PSD3: variants seen among roughly 807,000 people sequenced by gnomAD.
The protein encoded by PSD3 is PH and SEC7 domain-containing protein 3.
PSD3 carries 49 observed loss-of-function variants against 105.5 expected under a neutral mutation model. The observed-to-expected ratio is 0.46, with a 90% CI of 0.37 to 0.59. PSD3 has a LOEUF of 0.59. Among genes scored for constraint, PSD3 ranks in the 20% least tolerant of loss-of-function variants. The probability of loss-of-function intolerance (pLI) is 0.00; values close to 1 mark genes in which losing one functional copy is unlikely to be tolerated. For missense variants in PSD3, 1,561 were observed against 1,263.8 expected, an observed-to-expected ratio of 1.24 and a Z score of -3.57; for synonymous variants, 557 against 457.8, an observed-to-expected ratio of 1.22 and a Z score of -2.77.
chr8:18,659,731 T>C (rs953662724), intron 9 of PSD3, among the ~76,000 whole-genome samples: 1 of 152,184 alleles, frequency 6.6e-6, no homozygotes, highest in Non-Finnish European at 1.5e-5. Flanking sequence ...GAAGCGCCTT[T>C]GTTGGTGAGG....
intron 9 of PSD3, among the ~76,000 whole-genome samples, chr8:18,679,401 A>G (rs1225051986): frequency 6.6e-6 from 1 of 152,224 alleles, no homozygotes; most frequent in African/African-American, 2.4e-5. Context: ...TGGATTAGGC[A>G]CTTAGCAGAG....
chr8:18,699,462 G>A (rs538018430), intron 9 of PSD3, among the ~76,000 whole-genome samples: 8 of 152,274 alleles, frequency 5.3e-5, no homozygotes, highest in African/African-American at 1.9e-4. Flanking sequence ...CAGGCAAGAC[G>A]ACCCAACATT....
At chr8:18,631,474 T>C (rs1806890488) in intron 11 of PSD3, among the ~76,000 whole-genome samples, 1 of 151,988 alleles carries the variant, frequency 6.6e-6, no homozygotes, top group Non-Finnish European at 1.5e-5. Flanking sequence ...ATAGCACTGC[T>C]AATAACCATG....
chr8:18,969,521 C>T (rs996153436), intron 1 of PSD3, among the ~76,000 whole-genome samples: 22 of 152,140 alleles, frequency 1.4e-4, no homozygotes, highest in African/African-American at 5.1e-4. Flanking sequence ...TTATGTTATA[C>T]CAACAACTTT....
chr8:18,772,353 T>C (rs1304829604), intron 8 of PSD3, among the ~76,000 whole-genome samples: 2 of 152,094 alleles, frequency 1.3e-5, no homozygotes, highest in Admixed American at 6.6e-5. Context: ...CCTACAACAG[T>C]ACGTTTCCAA....
chr8:18,795,884 C>A (rs1218733628), intron 8 of PSD3, among the ~76,000 whole-genome samples: 1 of 152,086 alleles, frequency 6.6e-6, no homozygotes, highest in Non-Finnish European at 1.5e-5. Context: ...ATAGTTGAAA[C>A]AATATTCAAT....
chr8:18,779,646 T>C (rs1040878203), intron 8 of PSD3, among the ~76,000 whole-genome samples: 1 of 152,208 alleles, frequency 6.6e-6, no homozygotes, highest in African/African-American at 2.4e-5. Context: ...TGTTCCCATT[T>C]TGATTTGTTT....
chr8:18,623,153 G>A (rs1254300383), intron 11 of PSD3, among the ~76,000 whole-genome samples: 1 of 151,990 alleles, frequency 6.6e-6, no homozygotes, highest in South Asian at 2.1e-4. Context: ...CCAAAATGCT[G>A]GGATTACAGG....
At chr8:18,567,665 A>G (rs1585260459) in intron 14 of PSD3, among the ~76,000 whole-genome samples, 1 of 152,140 alleles carries the variant, frequency 6.6e-6, no homozygotes, top group Non-Finnish European at 1.5e-5. Flanking sequence ...TCTTACTACT[A>G]GTCTTTCTGT....
chr8:18,823,756 C>G (rs1360123227), intron 4 of PSD3, among the ~76,000 whole-genome samples: 7 of 149,374 alleles, frequency 4.7e-5, no homozygotes, highest in Non-Finnish European at 8.9e-5. Flanking sequence ...TACAATTACA[C>G]ATGGTGCTTT....
In PSD3 at chr8:18,533,736, T is replaced by C. The variant is rs1461697178; in HGVS notation, c.*2007A>G. The C allele has an allele frequency of 6.6e-6, 1 of 152,206 alleles. No individual in the cohort carries two copies. The highest frequency in any genetic ancestry group is 1.9e-4 in the East Asian group (1 of 5,200). 9.4% of individuals were successfully genotyped at this position (152,206 alleles called of 1,614,324 possible). A position where few individuals can be genotyped will look rare whatever the true frequency, so the allele number is the denominator to read the frequency against. On this transcript the variant is annotated 3_prime_UTR_variant, in exon 16 of 16. Coordinates refer to ENST00000327040, the MANE Select transcript of PSD3 (RefSeq NM_015310.4). ...ACATTTAGGCAGAAAACAAATATCC[T>C]GATAATTTAGATTATCAGGTAGAAA...
intron 1 of PSD3, among the ~76,000 whole-genome samples, chr8:19,066,975 A>C (rs1829094997): frequency 6.6e-6 from 1 of 152,204 alleles, no homozygotes; most frequent in African/African-American, 2.4e-5. Flanking sequence ...GTCAGATTAT[A>C]AACACCTCAA....
intron 2 of PSD3, among the ~76,000 whole-genome samples, chr8:18,899,645 G>C (rs1222724393): frequency 1.3e-5 from 2 of 151,992 alleles, no homozygotes; most frequent in Non-Finnish European, 2.9e-5. Flanking sequence ...ATAGAGTTCT[G>C]GGTGGCTAAG....
chr8:18,792,692 A>T (rs1381558399), intron 8 of PSD3, among the ~76,000 whole-genome samples: 1 of 152,066 alleles, frequency 6.6e-6, no homozygotes, highest in Non-Finnish European at 1.5e-5. Context: ...GCTGGAGAGG[A>T]TGTGGAGAAA....
intron 1 of PSD3, among the ~76,000 whole-genome samples, chr8:18,947,070 C>T (rs1822910804): frequency 6.6e-6 from 1 of 152,120 alleles, no homozygotes; most frequent in Admixed American, 6.5e-5. Flanking sequence ...CAACCAGTCC[C>T]TCGTCCCCTC....
At chr8:18,647,257 C>A (rs1808105940) in intron 10 of PSD3, among the ~76,000 whole-genome samples, 1 of 152,194 alleles carries the variant, frequency 6.6e-6, no homozygotes, top group Non-Finnish European at 1.5e-5. Context: ...ACCACACTTT[C>A]TAAAGCTCAG....
intron 2 of PSD3, among the ~76,000 whole-genome samples, chr8:18,929,269 TA>T (rs1821584697): frequency 2.0e-5 from 3 of 148,248 alleles, no homozygotes; most frequent in Admixed American, 2.0e-4. Context: ...AAAAAGAGTA[TA>T]ACCATAGACA....
At position 18,670,238 on chromosome 8, in the gene PSD3, G is replaced by T. The variant is rs140305181; in HGVS notation, c.2173-14553C>A. Among the ~76,000 whole-genome samples, 360 of 152,280 alleles carry T rather than the reference G, an allele frequency of 2.4e-3. 1 individual carries two copies. Among genetic ancestry groups the T allele is most frequent in the Non-Finnish European group, 3.8e-3 (257 of 68,030 alleles). ...CTCCTGGGCACCACTGAACCGGGTG[G>T]GTCTGAGAAACCCAGCGGGGCTGGT... On this transcript the variant is annotated intron_variant, in intron 9 of 15. Transcript: ENST00000327040.
chr8:18,947,050 GT>G (rs1554550069), intron 1 of PSD3, among the ~76,000 whole-genome samples: 2 of 152,056 alleles, frequency 1.3e-5, no homozygotes, highest in Non-Finnish European at 2.9e-5. Flanking sequence ...GATGGCTCAC[GT>G]ATGCCCTACA....
Sources: allele counts gnomAD v4.1 joint callset (sites outside exome capture counted in the v4.1 genomes callset), GRCh38; gene constraint gnomAD v4.1.1; transcripts MANE v1.5; gene names NCBI Gene and HGNC (gene_info 2026-07-23, HGNC 2026-07-21).